The following TP53BP2 variants were observed in gnomAD, a reference collection of about 807,000 sequenced individuals.
TP53BP2 encodes the protein apoptosis-stimulating of p53 protein 2.
In TP53BP2, 62 loss-of-function variants were observed where a neutral mutation model predicts 126.2. The observed-to-expected ratio is 0.49, with a 90% CI of 0.40 to 0.61. The LOEUF (loss-of-function observed/expected upper bound fraction) is 0.61. Ranked by LOEUF, TP53BP2 falls within the 20% of genes least tolerant of loss-of-function variation. The pLI is 0.00. For missense variants in TP53BP2, 1,215 were observed against 1,402.8 expected (o/e 0.87, Z 2.14); for synonymous variants, 485 against 502.9 (o/e 0.96, Z 0.48).
intron 4 of TP53BP2, among the ~76,000 whole-genome samples, chr1:223,810,064 G>A (rs1662859606): frequency 6.6e-6 from 1 of 152,154 alleles, no homozygotes; most frequent in African/African-American, 2.4e-5. Flanking sequence ...GACCTCAGGT[G>A]AGTCACCCAC....
At chr1:223,815,286 T>C (rs1382401440) in intron 2 of TP53BP2, among the ~76,000 whole-genome samples, 1 of 152,182 alleles carries the variant, frequency 6.6e-6, no homozygotes, top group African/African-American at 2.4e-5. Context: ...CTTAATCTGC[T>C]TGGCTGCAAC....
chr1:223,841,428 G>A (rs1441428386), intron 1 of TP53BP2, among the ~76,000 whole-genome samples: 1 of 152,012 alleles, frequency 6.6e-6, no homozygotes, highest in Non-Finnish European at 1.5e-5. Flanking sequence ...TATTACTCAA[G>A]CAAAAAGAAT....
chr1:223,802,876 T>G lies in TP53BP2; in HGVS notation c.851A>C (p.Gln284Pro), dbSNP rs1472323742. ...TTGTTGTAGCTTGGCATTCTGCTCT[T>G]GATTCAATTTGTTTCTTAGCTGAAT... ...KELQLRNKLNQEQNAKLQQQR... is the reference protein window; with the variant it reads ...KELQLRNKLNPEQNAKLQQQR... Residue 284 changes from glutamine to proline, a missense_variant, in exon 8 of 18, where the codon CAA becomes CCA. By Grantham distance (76) the Gln-to-Pro change is moderately conservative. Transcript: ENST00000343537. The G allele has an allele frequency of 6.2e-6, 10 of 1,614,026 alleles. No individual in the cohort carries two copies. Among genetic ancestry groups the G allele is most frequent in the African/African-American group, 1.3e-5 (1 of 74,946 alleles).
chr1:223,804,091 C>T, intron 6 of TP53BP2, 83 bp downstream of exon 6: 1 of 1,447,534 alleles, frequency 6.9e-7, no homozygotes, highest in South Asian at 1.4e-5. Flanking sequence ...AAAAGACCAG[C>T]CTGGGCAACA....
intron 16 of TP53BP2, among the ~76,000 whole-genome samples, chr1:223,787,750 T>G (rs1662018842): frequency 6.6e-6 from 1 of 152,126 alleles, no homozygotes; most frequent in South Asian, 2.1e-4. Flanking sequence ...TGGTAGTACA[T>G]GCCTGTAGTC....
At position 223,798,580 on chromosome 1, in the gene TP53BP2, GA is replaced by G. The variant is rs1662418842; in HGVS notation, c.1582del (p.Ser528GlnfsTer110). On this transcript the variant is annotated frameshift_variant, in exon 12 of 18. Coordinates refer to ENST00000343537, the MANE Select transcript of TP53BP2 (RefSeq NM_001031685.3). LOFTEE classifies it high-confidence loss of function. ...PYFGQTNQPP[S>X]DIKPDGSSQQ... ...AGAACTTCCGTCTGGCTTAATGTCT[GA>G]AGGTGGCTGATTAGTTTGTCCAAAA... 37 of 1,614,050 alleles carry G rather than the reference GA, an allele frequency of 2.3e-5. No individual in the cohort carries two copies. The highest frequency in any genetic ancestry group is 3.1e-5 in the Non-Finnish European group (37 of 1,180,016).
intron 7 of TP53BP2, 152 bp from the exon 8 acceptor site, chr1:223,803,047 A>C: frequency 1.1e-6 from 1 of 933,130 alleles, no homozygotes; most frequent in Non-Finnish European, 1.6e-6. Flanking sequence ...AAATTAAGTG[A>C]CACCTGTGCA....
At chr1:223,807,843 A>G (rs1035449421) in intron 4 of TP53BP2, among the ~76,000 whole-genome samples, 3 of 152,230 alleles carry the variant, frequency 2.0e-5, no homozygotes, top group African/African-American at 7.2e-5. Flanking sequence ...GAAGCTCAAT[A>G]CTGTCAAGAC....
intron 1 of TP53BP2, among the ~76,000 whole-genome samples, chr1:223,827,955 G>GT (rs1291180677): frequency 6.6e-6 from 1 of 152,018 alleles, no homozygotes; most frequent in Non-Finnish European, 1.5e-5. Flanking sequence ...TATTCAAAAA[G>GT]TAATTGAATT....
At chr1:223,832,380 T>C (rs547244467) in intron 1 of TP53BP2, among the ~76,000 whole-genome samples, 1 of 152,318 alleles carries the variant, frequency 6.6e-6, no homozygotes, top group East Asian at 1.9e-4. Context: ...GTAGAGAGAT[T>C]AGGGGAAAAT....
Position 223,845,712 on chromosome 1 carries a change from G to A in TP53BP2, c.-32C>T, listed in dbSNP as rs1664249259. Reference sequence around the variant, plus strand: ...GGGTGGCCAGACTGCGGCCCCGGCCGAGCTGAGGTGCCCCGGAGGGTCGCG... The same window carrying A: ...GGGTGGCCAGACTGCGGCCCCGGCCAAGCTGAGGTGCCCCGGAGGGTCGCG... On this transcript the variant is annotated 5_prime_UTR_variant, in exon 1 of 18. Transcript: ENST00000343537. The A allele has an allele frequency of 2.0e-6, 3 of 1,524,488 alleles. No homozygotes were observed. The highest frequency in any genetic ancestry group is 2.6e-6 in the Non-Finnish European group (3 of 1,141,638). 94.4% of individuals were successfully genotyped at this position (1,524,488 alleles called of 1,614,324 possible). A position where few individuals can be genotyped will look rare whatever the true frequency, so the allele number is the denominator to read the frequency against.
intron 12 of TP53BP2, among the ~76,000 whole-genome samples, chr1:223,797,453 T>C (rs1164112885): frequency 6.6e-6 from 1 of 152,038 alleles, no homozygotes; most frequent in Non-Finnish European, 1.5e-5. Flanking sequence ...AGTTTCACTC[T>C]TGTTGCCCAG....
Position 223,795,816 on chromosome 1 carries a change from G to T in TP53BP2, c.2723C>A (p.Pro908His). 1 of 1,530,396 alleles carries T rather than the reference G, an allele frequency of 6.5e-7. No homozygotes were observed. Among genetic ancestry groups the T allele is most frequent in the Non-Finnish European group, 8.8e-7 (1 of 1,140,778 alleles). The allele number at this position is 1,530,396 out of a possible 1,614,324, so 94.8% of individuals were successfully genotyped here. A position where few individuals can be genotyped will look rare whatever the true frequency, so the allele number is the denominator to read the frequency against. Residue 908 changes from proline (P) to histidine (H), a missense_variant and splice_region_variant, in exon 13 of 18, where the codon CCT becomes CAT. This residue lies in a region of TP53BP2 where 204 missense variants were observed against 225.7 expected (regional missense o/e 0.90). Transcript: ENST00000343537. Reference sequence around the variant, plus strand: ...GCTATGAGATAGTACATTACTTACAGGAGGCAGAGAGACCTGCCCGGTGAT... The same window carrying T: ...GCTATGAGATAGTACATTACTTACATGAGGCAGAGAGACCTGCCCGGTGAT... Reference protein sequence around the residue: ...PEITGQVSLPPGKRTNLRKTG... With the variant: ...PEITGQVSLPHGKRTNLRKTG...
Position 223,803,218 on chromosome 1 carries a change from C to T in TP53BP2, c.831+53G>A, listed in dbSNP as rs553099554. Reference sequence around the variant, plus strand: ...CACCTCTTGCTACTTATATGAGCAACTCTGTTTCTGGAAAGGAGGTTGTAC... The same window carrying T: ...CACCTCTTGCTACTTATATGAGCAATTCTGTTTCTGGAAAGGAGGTTGTAC... On this transcript the variant is annotated intron_variant, in intron 7 of 17. Coordinates refer to ENST00000343537, the MANE Select transcript of TP53BP2 (RefSeq NM_001031685.3). 30 of 1,544,530 alleles carry T rather than the reference C, an allele frequency of 1.9e-5. No individual in the cohort carries two copies. The South Asian group carries it at 3.6e-4, about 19-fold the overall frequency.
chr1:223,813,394 A>C (rs955171829), intron 3 of TP53BP2, among the ~76,000 whole-genome samples: 1 of 151,940 alleles, frequency 6.6e-6, no homozygotes, highest in African/African-American at 2.4e-5. Context: ...ATTTCCTTTC[A>C]ATCTCAGGCG....
chr1:223,795,308 C>T (rs1571843843), intron 13 of TP53BP2, among the ~76,000 whole-genome samples: 1 of 152,338 alleles, frequency 6.6e-6, no homozygotes, highest in Non-Finnish European at 1.5e-5. Flanking sequence ...AGCCCAGTTA[C>T]CCCTCCCTGC....
At chr1:223,782,032 C>A (rs1051784927) in intron 17 of TP53BP2, among the ~76,000 whole-genome samples, 2 of 131,162 alleles carry the variant, frequency 1.5e-5, no homozygotes, top group African/African-American at 8.0e-5. Flanking sequence ...TGTCATTAAC[C>A]ACAGGACCTG....
intron 1 of TP53BP2, 72 bp downstream of exon 1, chr1:223,845,582 G>A (rs1664241858): frequency 2.1e-6 from 3 of 1,461,768 alleles, no homozygotes; most frequent in African/African-American, 1.5e-5. Flanking sequence ...CGCGCCCGAG[G>A]GCGCGGACCA....
At chr1:223,799,801 T>G (rs1662468535) in intron 11 of TP53BP2, 98 bp downstream of exon 11, 1 of 1,119,682 alleles carries the variant, frequency 8.9e-7, no homozygotes, top group Non-Finnish European at 1.2e-6. Flanking sequence ...AGGTACATCC[T>G]GTTTCTTCTG....
Sources: allele counts gnomAD v4.1 joint callset (sites outside exome capture counted in the v4.1 genomes callset), GRCh38; gene constraint gnomAD v4.1.1; regional missense constraint gnomAD v4.1.1; transcripts MANE v1.5; gene names NCBI Gene and HGNC (gene_info 2026-07-23, HGNC 2026-07-21).